The following B4GALNT4 variants were observed in gnomAD, a reference collection of about 807,000 sequenced individuals.
B4GALNT4 encodes beta-1,4-N-acetyl-galactosaminyltransferase 4, also known as N-acetyl-beta-glucosaminyl-glycoprotein 4-beta-N-acetylgalactosaminyltransferase 1.
B4GALNT4 carries 77 observed loss-of-function variants against 110.0 expected under a neutral mutation model. The observed-to-expected ratio is 0.70, with a 90% CI of 0.58 to 0.85. The LOEUF (loss-of-function observed/expected upper bound fraction) is 0.85. Ranked by LOEUF, B4GALNT4 falls within the 40% of genes least tolerant of loss-of-function variation. B4GALNT4 has a pLI of 0.00. For synonymous variants in B4GALNT4, 785 were observed against 655.5 expected (o/e 1.20, Z -3.02); for missense variants, 1,575 against 1,506.0 (o/e 1.05, Z -0.76).
chr11:370,710 C>T (rs938810369), intron 1 of B4GALNT4, among the ~76,000 whole-genome samples: 31 of 152,160 alleles, frequency 2.0e-4, no homozygotes, highest in Admixed American at 2.0e-3. Flanking sequence ...AGAATGCCCC[C>T]TCTGGAGGAG....
chr11:376,212 C>T (rs1213668670), intron 12 of B4GALNT4, 38 bp downstream of exon 12: 3 of 396,234 alleles, frequency 7.6e-6, no homozygotes, highest in Non-Finnish European at 1.1e-5. Context: ...GCGGGGTGGG[C>T]GGGGCGGGAC....
chr11:377,947 A>C (rs1448671772), intron 14 of B4GALNT4, among the ~76,000 whole-genome samples: 5 of 152,254 alleles, frequency 3.3e-5, no homozygotes, highest in African/African-American at 1.2e-4. Context: ...AGTTCTAAGA[A>C]GAGGCAGTGT....
intron 18 of B4GALNT4, 131 bp downstream of exon 18, chr11:380,576 C>T (rs748805489): frequency 5.1e-6 from 7 of 1,359,500 alleles, no homozygotes; most frequent in Middle Eastern, 1.8e-4. Context: ...CCGTAGTGCC[C>T]AGAGCCCCAG....
Position 380,493 on chromosome 11 carries a change from C to A in B4GALNT4, c.2869+48C>A, listed in dbSNP as rs559471181. On this transcript the variant is annotated intron_variant, in intron 18 of 19. Transcript: ENST00000329962. ...CTGTGATACCAGGGTTCCCACCAAC[C>A]GCCGCGGTAAAGTCCAGGAACCCGG... 8 of 1,540,002 alleles carry A rather than the reference C, an allele frequency of 5.2e-6. No individual in the cohort carries two copies. In the African/African-American group the frequency reaches 1.1e-4, roughly 21 times the overall value.
intron 8 of B4GALNT4, 136 bp from the exon 9 acceptor site, chr11:375,325 C>T (rs1191039080): frequency 2.2e-5 from 20 of 908,442 alleles, no homozygotes; most frequent in Non-Finnish European, 3.2e-5. Flanking sequence ...CGCCCCGGAC[C>T]CCTCTGCCAT....
intron 18 of B4GALNT4, 73 bp from the exon 19 acceptor site, chr11:380,752 C>A (rs1414198853): frequency 1.9e-6 from 3 of 1,600,534 alleles, no homozygotes; most frequent in South Asian, 2.2e-5. Context: ...CCGAGGTCTC[C>A]TAGCGGCGCT....
rs747181559 is a variant in B4GALNT4 at position 380,398 on chromosome 11, C to T, written c.2822C>T (p.Pro941Leu). The T allele has an allele frequency of 2.5e-6, 4 of 1,612,708 alleles. No individual in the cohort carries two copies. Among genetic ancestry groups the T allele is most frequent in the Non-Finnish European group, 3.4e-6 (4 of 1,179,638 alleles). ...HCVEGRLAFA[P>L]VVMRLSCGSS... ...GTGGAGGGCAGGCTGGCCTTCGCGC[C>T]CGTGGTCATGCGCCTGAGCTGCGGG... is the stretch of plus-strand genomic sequence containing the variant. Residue 941 changes from proline (P) to leucine (L), a missense_variant, in exon 18 of 20, where the codon CCC becomes CTC. Pro to Leu is a moderately conservative substitution (Grantham distance 98, BLOSUM62 -3). Coordinates refer to ENST00000329962, the MANE Select transcript of B4GALNT4 (RefSeq NM_178537.5).
At chr11:377,562 C>G (rs1846785141) in intron 14 of B4GALNT4, among the ~76,000 whole-genome samples, 1 of 152,202 alleles carries the variant, frequency 6.6e-6, no homozygotes, top group South Asian at 2.1e-4. Context: ...GGAGCCCCAC[C>G]CAGGGCTGGC....
intron 14 of B4GALNT4, 138 bp downstream of exon 14, chr11:377,465 G>A (rs1846783173): frequency 5.3e-6 from 5 of 942,878 alleles, no homozygotes; most frequent in Admixed American, 4.0e-5. Context: ...GAGGCACCGC[G>A]CCCCACCCCA....
chr11:376,202 G>A (rs1846746544), intron 12 of B4GALNT4, 28 bp downstream of exon 12: 6 of 1,592,082 alleles, frequency 3.8e-6, no homozygotes, highest in South Asian at 1.1e-5. Context: ...CTAATGCGGG[G>A]CGGGGTGGGC....
intron 19 of B4GALNT4, 58 bp from the exon 20 acceptor site, chr11:381,611 G>A (rs1846877623): frequency 1.4e-6 from 2 of 1,478,402 alleles, no homozygotes; most frequent in Non-Finnish European, 1.8e-6. Flanking sequence ...CCGGGGTCCT[G>A]ACCACCTCTC....
At position 381,896 on chromosome 11, in the gene B4GALNT4, C is replaced by T; in HGVS notation, c.*104C>T. On this transcript the variant is annotated 3_prime_UTR_variant, in exon 20 of 20. Transcript: ENST00000329962. ...GACCCGGCAGGGCTGGTCAGAGGGG[C>T]ACAGCCACCGCCTGTGCCTGCCCCT... 5 of 1,322,174 alleles carry T rather than the reference C, an allele frequency of 3.8e-6. No homozygotes were observed. The highest frequency in any genetic ancestry group is 3.4e-5 in the South Asian group (2 of 58,706). The allele number at this position is 1,322,174 out of a possible 1,614,324, so 81.9% of individuals were successfully genotyped here.
At chr11:377,519 C>T (rs10794316) in intron 14 of B4GALNT4, among the ~76,000 whole-genome samples, 192 bp downstream of exon 14, 48,032 of 152,050 alleles carry the variant, frequency 0.32, 7,762 homozygotes, top group East Asian at 0.48. Flanking sequence ...GTCCTGACTG[C>T]CCGGGCACTT....
At position 376,640 on chromosome 11, in the gene B4GALNT4, T is replaced by C. The variant is rs1846760986; in HGVS notation, c.1517T>C (p.Leu506Pro). Reference sequence around the variant, plus strand: ...GCCAGGGCCGCCCGCCCTTTGCCGCTCTTCTTGGGCCGAGCTCCGCCCCCG... The same window carrying C: ...GCCAGGGCCGCCCGCCCTTTGCCGCCCTTCTTGGGCCGAGCTCCGCCCCCG... ...WAARAARPLPLFLGRAPPPRP... is the reference protein window; with the variant it reads ...WAARAARPLPPFLGRAPPPRP... Residue 506 changes from leucine to proline, a missense_variant, in exon 14 of 20, where the codon CTC (leucine) becomes CCC (proline). Physicochemically the swap from Leu to Pro is moderately conservative, Grantham distance 98. Transcript: ENST00000329962. The C allele has an allele frequency of 1.4e-6, 2 of 1,422,902 alleles. No homozygotes were observed. The highest frequency in any genetic ancestry group is 1.5e-5 in the African/African-American group (1 of 66,126). The allele number at this position is 1,422,902 out of a possible 1,614,324, so 88.1% of individuals were successfully genotyped here. A position where few individuals can be genotyped will look rare whatever the true frequency, so the allele number is the denominator to read the frequency against.
intron 19 of B4GALNT4, 39 bp downstream of exon 19, chr11:380,990 C>T (rs1206539310): frequency 1.9e-6 from 3 of 1,593,668 alleles, no homozygotes; most frequent in Non-Finnish European, 2.6e-6. Flanking sequence ...ACACCCTGAC[C>T]CCTGCGTCCT....
rs1400995008 is a variant in B4GALNT4, at chr11:377,322, C to T, written c.2199C>T (p.His733=). The part of the protein sequence containing the change: ...AQYMERLNAR[H]GGRFALLRIV... ...ACATGGAGCGGCTGAACGCGCGCCA[C>T]GGCGGGTATGGGGGCGGCCGAACGC... is the stretch of plus-strand genomic sequence containing the variant. Residue 733 remains histidine (H), a synonymous_variant, in exon 14 of 20, where the codon CAC becomes CAT. Coordinates refer to ENST00000329962, the MANE Select transcript of B4GALNT4 (RefSeq NM_178537.5). The T allele has an allele frequency of 1.3e-6, 2 of 1,535,816 alleles. No homozygotes were observed. The highest frequency in any genetic ancestry group is 8.7e-7 in the Non-Finnish European group (1 of 1,144,580).
In B4GALNT4 at chr11:380,429, G is replaced by T; in HGVS notation, c.2853G>T (p.Ser951=). 1.2e-6 allele frequency: 2 copies of T among 1,603,768 alleles called. No individual in the cohort carries two copies. Among genetic ancestry groups the T allele is most frequent in the Non-Finnish European group, 8.5e-7 (1 of 1,176,314 alleles). ...TCATGCGCCTGAGCTGCGGGAGCTC[G>T]CCCCGGGACCCCCACGGTGAGGCCC... The part of the protein sequence containing the change: ...PVVMRLSCGS[S]PRDPHGYWEV... Residue 951 remains serine (S), a synonymous_variant, in exon 18 of 20, where the codon TCG becomes TCT. Coordinates refer to ENST00000329962, the MANE Select transcript of B4GALNT4 (RefSeq NM_178537.5).
At chr11:381,036 C>T (rs1390646291) in intron 19 of B4GALNT4, 85 bp downstream of exon 19, 7 of 1,526,156 alleles carry the variant, frequency 4.6e-6, no homozygotes, top group Non-Finnish European at 5.3e-6. Flanking sequence ...TTATGCCCCC[C>T]ACGGCGCCCA....
At chr11:374,531 G>A (rs1243656529) in intron 8 of B4GALNT4, among the ~76,000 whole-genome samples, 8 of 140,760 alleles carry the variant, frequency 5.7e-5, no homozygotes, top group African/African-American at 2.1e-4. Flanking sequence ...GCCCCAGGAT[G>A]AGGTGGGAAC....
Sources: allele counts gnomAD v4.1 joint callset (sites outside exome capture counted in the v4.1 genomes callset), GRCh38; gene constraint gnomAD v4.1.1; transcripts MANE v1.5; gene names NCBI Gene and HGNC (gene_info 2026-07-23, HGNC 2026-07-21).